The following FOXP1 variants were observed in gnomAD, a reference collection of about 807,000 sequenced individuals.
FOXP1 encodes the protein forkhead box P1, also known as forkhead box protein P1.
Under a neutral mutation model 98.2 loss-of-function variants are expected in FOXP1, and 15 were observed. The ratio of observed to expected loss-of-function variants is 0.15; its 90% CI spans 0.10 to 0.24. FOXP1 has a LOEUF of 0.24. Among genes scored for constraint, FOXP1 ranks in the 10% least tolerant of loss-of-function variants. FOXP1 has a pLI of 1.00. For synonymous variants in FOXP1, 371 were observed against 314.5 expected (o/e 1.18, Z -1.90); for missense variants, 633 against 848.5 (o/e 0.75, Z 3.15).
intron 5 of FOXP1, 58 bp from the exon 6 acceptor site, chr3:71,198,450 G>A: frequency 7.2e-7 from 1 of 1,379,724 alleles, no homozygotes; most frequent in Non-Finnish European, 1.0e-6. Flanking sequence ...AAAAGCAGCT[G>A]TTAAAGCAGT....
intron 11 of FOXP1, among the ~76,000 whole-genome samples, chr3:71,027,275 A>G (rs1437168090): frequency 6.6e-6 from 1 of 152,208 alleles, no homozygotes. Context: ...ACAAAGTTCC[A>G]ATATTAATTC....
At chr3:71,006,021 G>C (rs2042766838) in intron 12 of FOXP1, among the ~76,000 whole-genome samples, 1 of 152,042 alleles carries the variant, frequency 6.6e-6, no homozygotes, top group South Asian at 2.1e-4. Context: ...GGGGGAAAAA[G>C]GCAGCATTAT....
intron 3 of FOXP1, among the ~76,000 whole-genome samples, chr3:71,445,773 C>T (rs1365027828): frequency 2.0e-5 from 3 of 150,598 alleles, no homozygotes; most frequent in Admixed American, 1.3e-4. Context: ...CTGCAACCCC[C>T]GCCTCCTGGG....
At chr3:71,207,083 T>G (rs1279055904) in intron 5 of FOXP1, among the ~76,000 whole-genome samples, 1 of 152,182 alleles carries the variant, frequency 6.6e-6, no homozygotes, top group African/African-American at 2.4e-5. Flanking sequence ...TGGGGCCAGG[T>G]GTTCTGGGGA....
At chr3:70,985,892 C>T (rs909619818) in intron 14 of FOXP1, among the ~76,000 whole-genome samples, 7 of 151,922 alleles carry the variant, frequency 4.6e-5, no homozygotes, top group Non-Finnish European at 7.4e-5. Context: ...TGCTGTGCAG[C>T]GATATTGGAC....
At chr3:71,126,874 A>AC (rs1397919775) in intron 6 of FOXP1, among the ~76,000 whole-genome samples, 75 of 108,352 alleles carry the variant, frequency 6.9e-4, no homozygotes, top group Admixed American at 2.2e-3. Context: ...AAACAAACAA[A>AC]AAAAAAAAAC....
intron 18 of FOXP1, chr3:70,971,240 T>C (rs1575744841): frequency 3.7e-6 from 1 of 269,810 alleles, no homozygotes; most frequent in East Asian, 9.2e-5. Flanking sequence ...AACTTTACAG[T>C]GACTGCTAGA....
At chr3:71,545,150 G>A (rs914584254) in intron 2 of FOXP1, among the ~76,000 whole-genome samples, 6 of 151,934 alleles carry the variant, frequency 3.9e-5, no homozygotes, top group African/African-American at 1.5e-4. Flanking sequence ...GCGCGCATAT[G>A]CTCCCTGAAA....
chr3:71,165,011 C>T (rs2061334129), intron 6 of FOXP1, among the ~76,000 whole-genome samples: 1 of 152,098 alleles, frequency 6.6e-6, no homozygotes, highest in Admixed American at 6.5e-5. Context: ...AGCCTTTTTC[C>T]TAGCTATCCC....
At chr3:71,453,319 C>T (rs1222886315) in intron 3 of FOXP1, among the ~76,000 whole-genome samples, 1 of 152,126 alleles carries the variant, frequency 6.6e-6, no homozygotes, top group Non-Finnish European at 1.5e-5. Flanking sequence ...CTCCATCCTA[C>T]CAATGTCATT....
intron 5 of FOXP1, among the ~76,000 whole-genome samples, chr3:71,249,807 A>T (rs879505720): frequency 2.0e-5 from 3 of 152,202 alleles, no homozygotes; most frequent in Non-Finnish European, 2.9e-5. Flanking sequence ...AAAGGGAAAC[A>T]ACACCATGGC....
intron 5 of FOXP1, among the ~76,000 whole-genome samples, chr3:71,269,084 G>C (rs1364545228): frequency 6.7e-6 from 1 of 149,308 alleles, no homozygotes; most frequent in African/African-American, 2.5e-5. Context: ...GCTACTCAGA[G>C]TGGGGTTTTT....
At chr3:71,171,185 G>T (rs1384910990) in intron 6 of FOXP1, among the ~76,000 whole-genome samples, 1 of 151,670 alleles carries the variant, frequency 6.6e-6, no homozygotes, top group Non-Finnish European at 1.5e-5. Context: ...TTTATACAGG[G>T]TAAAAAGTTG....
At chr3:71,132,535 C>T (rs1408402353) in intron 6 of FOXP1, among the ~76,000 whole-genome samples, 1 of 152,148 alleles carries the variant, frequency 6.6e-6, no homozygotes, top group Non-Finnish European at 1.5e-5. Context: ...TTAACAAACA[C>T]TGAATGTGAA....
At chr3:71,558,422 G>A (rs953812598) in intron 2 of FOXP1, among the ~76,000 whole-genome samples, 1 of 152,186 alleles carries the variant, frequency 6.6e-6, no homozygotes. Flanking sequence ...GGCTAAGATG[G>A]CAGAAAGTTT....
At chr3:70,964,751 T>G (rs1164608342) in intron 20 of FOXP1, among the ~76,000 whole-genome samples, 2 of 152,218 alleles carry the variant, frequency 1.3e-5, no homozygotes, top group African/African-American at 4.8e-5. Flanking sequence ...AAATGATTAT[T>G]TCCATATCCA....
intron 2 of FOXP1, among the ~76,000 whole-genome samples, chr3:71,512,527 C>T (rs752351847): frequency 6.6e-6 from 1 of 152,240 alleles, no homozygotes; most frequent in Non-Finnish European, 1.5e-5. Context: ...CATCACAACA[C>T]ACTTAAGTAG....
intron 4 of FOXP1, among the ~76,000 whole-genome samples, chr3:71,347,969 T>C (rs2077479705): frequency 3.9e-5 from 6 of 152,116 alleles, no homozygotes; most frequent in Admixed American, 3.9e-4. Context: ...CCATGATTAG[T>C]ACTGAACCCT....
At chr3:71,280,447 A>T (rs1400975580) in intron 5 of FOXP1, among the ~76,000 whole-genome samples, 1 of 151,642 alleles carries the variant, frequency 6.6e-6, no homozygotes, top group Non-Finnish European at 1.5e-5. Context: ...CAGCTTCTTG[A>T]ATAGCTGGGA....
Sources: allele counts gnomAD v4.1 joint callset (sites outside exome capture counted in the v4.1 genomes callset), GRCh38; gene constraint gnomAD v4.1.1; transcripts MANE v1.5; gene names NCBI Gene and HGNC (gene_info 2026-07-23, HGNC 2026-07-21).